The following SAMMSON variants were observed in gnomAD, a reference collection of about 807,000 sequenced individuals.
The protein encoded by SAMMSON is survival associated mitochondrial melanoma specific oncogenic non-coding RNA.
At chr3:70,028,405 G>T (rs1337237660) in intron 3 of SAMMSON, among the ~76,000 whole-genome samples, 1 of 152,020 alleles carries the variant, frequency 6.6e-6, no homozygotes, top group Non-Finnish European at 1.5e-5. Flanking sequence ...ACATTCCCAA[G>T]ACCATTCACA....
chr3:70,256,487 CTCATTTAGT>C (rs1309664839), intron 6 of SAMMSON, among the ~76,000 whole-genome samples: 2 of 152,152 alleles, frequency 1.3e-5, no homozygotes, highest in Non-Finnish European at 2.9e-5. Flanking sequence ...GTCTCAGGAC[CTCATTTAGT>C]TCATTTAGTT....
At chr3:70,230,891 C>T (rs977702302) in intron 4 of SAMMSON, among the ~76,000 whole-genome samples, 6 of 152,158 alleles carry the variant, frequency 3.9e-5, no homozygotes, top group African/African-American at 1.2e-4. Flanking sequence ...TCTTAACAAA[C>T]CCAGCTCTGT....
rs558581102 is a variant in SAMMSON, at chr3:70,208,525, T to G, written n.508-40582T>G. ...ATTCAGAATTTTTAAAGCTCTGGTA[T>G]TCCCCTATTCAGGAGACCAATTAAA... On this transcript the variant is annotated intron_variant and non_coding_transcript_variant, in intron 4 of 9. Coordinates refer to ENST00000642114, the Ensembl canonical transcript of SAMMSON. 2.0e-5 allele frequency among the ~76,000 whole-genome samples: 3 copies of G among 152,228 alleles called. No homozygotes were observed. The East Asian group carries it at 5.8e-4, about 29-fold the overall frequency.
chr3:70,052,123 AAG>A (rs906712073), intron 3 of SAMMSON, among the ~76,000 whole-genome samples: 9 of 152,106 alleles, frequency 5.9e-5, no homozygotes, highest in Non-Finnish European at 1.0e-4. Context: ...AATAATAAAA[AAG>A]AGAGAGAATT....
chr3:70,139,051 C>T (rs1168647294), intron 4 of SAMMSON, among the ~76,000 whole-genome samples: 1 of 152,178 alleles, frequency 6.6e-6, no homozygotes, highest in Admixed American at 6.5e-5. Flanking sequence ...TACAGAGCTA[C>T]ACTCTTCAAT....
chr3:70,295,820 A>C (rs1193155804), intron 7 of SAMMSON, among the ~76,000 whole-genome samples: 1 of 152,184 alleles, frequency 6.6e-6, no homozygotes, highest in Non-Finnish European at 1.5e-5. Flanking sequence ...TTTTGGTGTA[A>C]TTATAATACC....
intron 2 of SAMMSON, among the ~76,000 whole-genome samples, chr3:70,415,448 C>G (rs988886930): frequency 1.3e-5 from 2 of 152,026 alleles, no homozygotes; most frequent in African/African-American, 2.4e-5. Flanking sequence ...CGGTGCCAAC[C>G]TGATTGTTTG....
chr3:70,422,068 A>G (rs546462868), intron 2 of SAMMSON, among the ~76,000 whole-genome samples: 75 of 152,194 alleles, frequency 4.9e-4, no homozygotes, highest in Non-Finnish European at 9.7e-4. Context: ...TTTTAAGACC[A>G]TAATTTTTCA....
chr3:70,374,203 C>T (rs924089424), intron 9 of SAMMSON, among the ~76,000 whole-genome samples: 2 of 152,160 alleles, frequency 1.3e-5, no homozygotes, highest in Non-Finnish European at 2.9e-5. Flanking sequence ...TGTGAGCCAA[C>T]GTGCCTGGCC....
At chr3:70,170,130 G>A (rs1462982631) in intron 4 of SAMMSON, among the ~76,000 whole-genome samples, 1 of 151,810 alleles carries the variant, frequency 6.6e-6, no homozygotes, top group Non-Finnish European at 1.5e-5. Flanking sequence ...AAGACTACCG[G>A]GAGTTTTATG....
intron 6 of SAMMSON, among the ~76,000 whole-genome samples, chr3:70,259,630 C>G (rs1701847254): frequency 6.6e-6 from 1 of 152,078 alleles, no homozygotes; most frequent in Non-Finnish European, 1.5e-5. Context: ...ATCTCTACAC[C>G]CTGAAAGTCT....
At chr3:70,370,490 A>G (rs1702959075) in intron 9 of SAMMSON, among the ~76,000 whole-genome samples, 1 of 151,938 alleles carries the variant, frequency 6.6e-6, no homozygotes, top group South Asian at 2.1e-4. Context: ...GTCTTTTAGT[A>G]ATAGCCATTC....
intron 4 of SAMMSON, among the ~76,000 whole-genome samples, chr3:70,131,858 G>A (rs1435457828): frequency 1.3e-5 from 2 of 152,098 alleles, no homozygotes; most frequent in Non-Finnish European, 2.9e-5. Context: ...GATTACAGGC[G>A]TGAGACACTA....
chr3:70,304,531 AATTTCTAAAGCCGGGGGTCAGCCTTTG>A (rs1256964044), intron 7 of SAMMSON, among the ~76,000 whole-genome samples: 1 of 152,044 alleles, frequency 6.6e-6, no homozygotes, highest in Non-Finnish European at 1.5e-5. Context: ...ACCATTTCAC[AATTTCTAAAGCCGGGGGTCAGCCTTTG>A]ATTCCTTTCT....
intron 1 of SAMMSON, chr3:70,009,352 C>A (rs1199828075): frequency 1.3e-5 from 2 of 152,104 alleles, no homozygotes; most frequent in African/African-American, 2.4e-5. Flanking sequence ...TCAGCTTCTT[C>A]CTGGTTTATT....
intron 2 of SAMMSON, among the ~76,000 whole-genome samples, chr3:70,408,016 A>G (rs1311174651): frequency 6.6e-6 from 1 of 152,316 alleles, no homozygotes; most frequent in East Asian, 1.9e-4. Flanking sequence ...TCACCACCAC[A>G]TGGAAGCTGC....
At chr3:70,130,037 A>G (rs2067475825) in intron 4 of SAMMSON, among the ~76,000 whole-genome samples, 1 of 152,172 alleles carries the variant, frequency 6.6e-6, no homozygotes, top group South Asian at 2.1e-4. Flanking sequence ...TGGAATGGCA[A>G]TATACACCTG....
At chr3:70,218,655 C>T (rs545665708) in intron 4 of SAMMSON, among the ~76,000 whole-genome samples, 1 of 152,096 alleles carries the variant, frequency 6.6e-6, no homozygotes, top group East Asian at 1.9e-4. Flanking sequence ...ATAACACCTC[C>T]CAGCAGAACT....
intron 7 of SAMMSON, among the ~76,000 whole-genome samples, chr3:70,350,425 T>A (rs959953740): frequency 6.6e-6 from 1 of 152,120 alleles, no homozygotes; most frequent in Non-Finnish European, 1.5e-5. Flanking sequence ...TAAAGTATAG[T>A]ATTGGTATCT....
Sources: gnomAD v4.1 joint callset for allele counts (sites outside exome capture counted in the v4.1 genomes callset) on GRCh38, gnomAD v4.1.1 for gene constraint, MANE v1.5 for transcripts, NCBI Gene and HGNC (gene_info 2026-07-23, HGNC 2026-07-21) for gene names.